The following GRID2 variants were observed in gnomAD, a reference collection of about 807,000 sequenced individuals.
GRID2 encodes the protein glutamate ionotropic receptor delta type subunit 2.
In GRID2, 33 loss-of-function variants were observed where a neutral mutation model predicts 114.8. The observed-to-expected ratio is 0.29, with a 90% CI of 0.22 to 0.38. The LOEUF is 0.38. Ranked by LOEUF, GRID2 falls within the 10% of genes least tolerant of loss-of-function variation. The pLI, the probability that GRID2 is intolerant of heterozygous loss-of-function variation, is 1.00. For synonymous variants in GRID2, 505 were observed against 449.9 expected (o/e 1.12, Z -1.55); for missense variants, 1,184 against 1,257.7 (o/e 0.94, Z 0.89).
chr4:93,482,765 TG>T (rs1481100693), intron 11 of GRID2, among the ~76,000 whole-genome samples: 10 of 151,968 alleles, frequency 6.6e-5, no homozygotes, highest in Non-Finnish European at 2.9e-5. Flanking sequence ...CACTGTAACA[TG>T]ATGTGATTTT....
At chr4:92,614,942 TG>T (rs1219887412) in intron 2 of GRID2, among the ~76,000 whole-genome samples, 4 of 149,538 alleles carry the variant, frequency 2.7e-5, no homozygotes, top group South Asian at 2.2e-4. Context: ...TACTTTGCTA[TG>T]TTTTTTTTTT....
At chr4:93,596,239 C>A (rs773808941) in intron 13 of GRID2, among the ~76,000 whole-genome samples, 1 of 152,152 alleles carries the variant, frequency 6.6e-6, no homozygotes, top group Non-Finnish European at 1.5e-5. Flanking sequence ...CTTAGGCTAT[C>A]GCTAATAATA....
chr4:92,552,285 G>A (rs1726632221), intron 1 of GRID2, among the ~76,000 whole-genome samples: 2 of 149,930 alleles, frequency 1.3e-5, no homozygotes, highest in South Asian at 4.2e-4. Flanking sequence ...AACTGTGAAG[G>A]AAAGAATAGA....
intron 1 of GRID2, among the ~76,000 whole-genome samples, chr4:92,499,731 C>T (rs1723576824): frequency 6.6e-6 from 1 of 152,182 alleles, no homozygotes. Flanking sequence ...TCTCCTGCCT[C>T]AGCCTCCCAA....
At chr4:93,426,906 A>G (rs570227397) in intron 10 of GRID2, among the ~76,000 whole-genome samples, 12 of 152,208 alleles carry the variant, frequency 7.9e-5, no homozygotes, top group African/African-American at 2.9e-4. Context: ...AGTCACTCTG[A>G]CTAGGCTTCA....
At chr4:93,727,342 G>C (rs1730015735) in intron 14 of GRID2, among the ~76,000 whole-genome samples, 1 of 152,130 alleles carries the variant, frequency 6.6e-6, no homozygotes. Context: ...AAGCCCACTT[G>C]ATCATGGTGG....
intron 1 of GRID2, among the ~76,000 whole-genome samples, chr4:92,328,022 A>C (rs1207972783): frequency 6.6e-6 from 1 of 152,074 alleles, no homozygotes; most frequent in Admixed American, 6.6e-5. Context: ...TTTGCTTCTA[A>C]TATATGTTAA....
chr4:93,200,837 A>G (rs77332543), intron 4 of GRID2, among the ~76,000 whole-genome samples: 1 of 152,136 alleles, frequency 6.6e-6, no homozygotes. Flanking sequence ...CTTGCAGTGG[A>G]AAAAAATGGT....
downstream of GRID2, among the ~76,000 whole-genome samples, chr4:93,779,348 C>A (rs1426927250): frequency 6.6e-6 from 1 of 152,038 alleles, no homozygotes; most frequent in Non-Finnish European, 1.5e-5. Flanking sequence ...TAGCACGGTA[C>A]CCTAGGGCAG....
intron 1 of GRID2, among the ~76,000 whole-genome samples, chr4:92,312,633 A>ATTTCTG (rs956528080): frequency 2.6e-5 from 4 of 152,096 alleles, no homozygotes; most frequent in African/African-American, 9.7e-5. Context: ...TAAATTTTGT[A>ATTTCTG]TTAGACATCA....
chr4:92,891,584 C>T (rs574665678), intron 2 of GRID2, among the ~76,000 whole-genome samples: 31 of 152,096 alleles, frequency 2.0e-4, no homozygotes, highest in African/African-American at 7.2e-4. Context: ...AGAAAATTAG[C>T]ACATGTACTG....
chr4:92,832,164 G>A (rs1742146950), intron 2 of GRID2, among the ~76,000 whole-genome samples: 1 of 151,914 alleles, frequency 6.6e-6, no homozygotes, highest in Admixed American at 6.6e-5. Context: ...ATGAGACCGG[G>A]CATGGTGGCT....
intron 1 of GRID2, among the ~76,000 whole-genome samples, chr4:92,418,317 A>C (rs777623443): frequency 1.1e-4 from 16 of 152,124 alleles, no homozygotes; most frequent in Non-Finnish European, 1.6e-4. Context: ...AATGGAATAC[A>C]CTGCAAAATG....
intron 2 of GRID2, among the ~76,000 whole-genome samples, chr4:93,083,580 C>T (rs1730068515): frequency 6.6e-6 from 1 of 151,550 alleles, no homozygotes; most frequent in African/African-American, 2.4e-5. Flanking sequence ...CCTGTAATCC[C>T]ACCTACTCAG....
chr4:92,759,524 A>G (rs1055279100), intron 2 of GRID2, among the ~76,000 whole-genome samples: 1 of 152,038 alleles, frequency 6.6e-6, no homozygotes, highest in African/African-American at 2.4e-5. Flanking sequence ...TACCTCTTAC[A>G]TGTCTCTAAA....
At chr4:92,513,391 A>T (rs1410616032) in intron 1 of GRID2, among the ~76,000 whole-genome samples, 1 of 151,814 alleles carries the variant, frequency 6.6e-6, no homozygotes, top group Non-Finnish European at 1.5e-5. Flanking sequence ...ATGCACATTG[A>T]CAGGAGAAAG....
At chr4:92,932,572 A>G (rs915938446) in intron 2 of GRID2, among the ~76,000 whole-genome samples, 2 of 151,372 alleles carry the variant, frequency 1.3e-5, no homozygotes, top group African/African-American at 4.8e-5. Flanking sequence ...TTTGCCCAAG[A>G]GAAATGAAAT....
At chr4:92,670,791 T>C (rs184060515) in intron 2 of GRID2, among the ~76,000 whole-genome samples, 2 of 152,160 alleles carry the variant, frequency 1.3e-5, no homozygotes, top group Admixed American at 1.3e-4. Flanking sequence ...ACATTACAAA[T>C]GAGAAAACCG....
At chr4:93,646,670 G>C (rs1006499966) in intron 14 of GRID2, among the ~76,000 whole-genome samples, 7 of 152,130 alleles carry the variant, frequency 4.6e-5, no homozygotes, top group African/African-American at 1.7e-4. Context: ...AATGTAGTAA[G>C]AGAAGTTAGG....
Sources: gnomAD v4.1 joint callset for allele counts (sites outside exome capture counted in the v4.1 genomes callset) on GRCh38, gnomAD v4.1.1 for gene constraint, MANE v1.5 for transcripts, NCBI Gene and HGNC (gene_info 2026-07-23, HGNC 2026-07-21) for gene names.